The following THAP12 variants were observed in gnomAD, a reference collection of about 807,000 sequenced individuals.
THAP12 encodes the protein THAP domain containing 12.
A neutral mutation model predicts 63.0 loss-of-function variants in THAP12; 20 were observed. The ratio of observed to expected loss-of-function variants is 0.32; its 90% CI spans 0.22 to 0.46. The LOEUF is 0.46. Among genes scored for constraint, THAP12 ranks in the 20% least tolerant of loss-of-function variants. The pLI is 1.00. For synonymous variants in THAP12, 264 were observed against 328.4 expected (o/e 0.80, Z 2.12); for missense variants, 568 against 908.2 (o/e 0.63, Z 4.81).
At chr11:76,362,278 A>C (rs1336999457) in intron 2 of THAP12, among the ~76,000 whole-genome samples, 2 of 152,252 alleles carry the variant, frequency 1.3e-5, no homozygotes, top group Non-Finnish European at 2.9e-5. Flanking sequence ...AAAATATCTA[A>C]GCATGCTCAA....
chr11:76,380,812 T>TG lies in THAP12; in HGVS notation c.24dup (p.Asn9GlnfsTer31). 6.9e-7 allele frequency: 1 copy of TG among 1,442,598 alleles called. No individual in the cohort carries two copies. Among genetic ancestry groups the TG allele is most frequent in the Non-Finnish European group, 9.2e-7 (1 of 1,089,014 alleles). The allele number at this position is 1,442,598 out of a possible 1,614,324, so 89.4% of individuals were successfully genotyped here. On this transcript the variant is annotated frameshift_variant, in exon 1 of 5. Transcript: ENST00000260045. LOFTEE classifies it high-confidence loss of function. ...GACTGCGTGCTCTTCCGCGTGCAGTTGGGGGCAGCGCAGAAGTTCGGCATC... is the reference window on the plus strand; with the variant it reads ...GACTGCGTGCTCTTCCGCGTGCAGTTGGGGGGCAGCGCAGAAGTTCGGCATC...
intron 1 of THAP12, among the ~76,000 whole-genome samples, chr11:76,380,445 T>TCACACAGCATCTC (rs1946746362): frequency 6.6e-6 from 1 of 152,168 alleles, no homozygotes; most frequent in Non-Finnish European, 1.5e-5. Context: ...ACACAGCAAG[T>TCACACAGCATCTC]GAGCCACGGC....
At chr11:76,356,081 T>C (rs769898895) in intron 3 of THAP12, 11 of 155,942 alleles carry the variant, frequency 7.1e-5, no homozygotes, top group Non-Finnish European at 9.9e-5. Flanking sequence ...AACACAAAAG[T>C]GATGAGAAAT....
rs142544216 is a variant in THAP12 at position 76,351,115 on chromosome 11, C to A, written c.2035G>T (p.Ala679Ser). Residue 679 changes from alanine (A) to serine (S), a missense_variant, in exon 5 of 5, where the codon GCA becomes TCA. Physicochemically the swap from Ala to Ser is moderately conservative, Grantham distance 99. Coordinates refer to ENST00000260045, the MANE Select transcript of THAP12 (RefSeq NM_004705.4). ...AGAATACACAGGACCTTCAGCAATG[C>A]ATACACATTAGGAAAAAACTTGATG... ...PDIKFFPNVY[A>S]LLKVLCILPV... 4.1e-3 allele frequency: 6,546 copies of A among 1,610,870 alleles called. 21 individuals carry two copies. The highest frequency in any genetic ancestry group is 4.8e-3 in the Non-Finnish European group (5,694 of 1,179,502).
intron 1 of THAP12, among the ~76,000 whole-genome samples, chr11:76,370,565 T>C (rs577331239): frequency 3.9e-5 from 6 of 152,134 alleles, no homozygotes; most frequent in Non-Finnish European, 8.8e-5. Flanking sequence ...GGTTTCACCA[T>C]GTTCCCCAGG....
rs1174771297 is a variant in THAP12, at chr11:76,380,765, G to A, written c.72C>T (p.Phe24=). 15 of 1,460,838 alleles carry A rather than the reference G, an allele frequency of 1.0e-5. No homozygotes were observed. The Admixed American group carries it at 1.4e-4, about 14-fold the overall frequency. The allele number at this position is 1,460,838 out of a possible 1,614,324, so 90.5% of individuals were successfully genotyped here. ...STQSDLAFFR[F]PRDPARCQKW... is the part of the protein sequence containing the mutation. Reference sequence around the variant, plus strand: ...CCGCTTACCTGGCAGGGTCCCGCGGGAACCTGAAGAAGGCCAAGTCGGACT... The same window carrying A: ...CCGCTTACCTGGCAGGGTCCCGCGGAAACCTGAAGAAGGCCAAGTCGGACT... The change falls in exon 1 of 5, where the codon TTC becomes TTT. Residue 24 remains phenylalanine, a synonymous_variant. Transcript: ENST00000260045.
At chr11:76,376,587 T>G (rs1946711700) in intron 1 of THAP12, among the ~76,000 whole-genome samples, 1 of 151,928 alleles carries the variant, frequency 6.6e-6, no homozygotes, top group African/African-American at 2.4e-5. Flanking sequence ...ATAAACATCT[T>G]TGTCTTCGAA....
intron 3 of THAP12, chr11:76,359,440 A>C (rs922436211): frequency 6.6e-6 from 1 of 152,196 alleles, no homozygotes; most frequent in Non-Finnish European, 1.5e-5. Context: ...ACTAGTAATA[A>C]ATTTACAATA....
intron 3 of THAP12, chr11:76,358,514 CAG>C (rs1565232222): frequency 6.6e-6 from 1 of 152,014 alleles, no homozygotes; most frequent in African/African-American, 2.4e-5. Context: ...AATATAAAAA[CAG>C]AATATAGGTC....
chr11:76,354,706 G>A (rs1172127199), intron 4 of THAP12, among the ~76,000 whole-genome samples: 1 of 152,122 alleles, frequency 6.6e-6, no homozygotes, highest in Non-Finnish European at 1.5e-5. Flanking sequence ...ATGTACCATG[G>A]AAATCAGGTC....
At chr11:76,373,970 G>T (rs1189905164) in intron 1 of THAP12, among the ~76,000 whole-genome samples, 4 of 152,212 alleles carry the variant, frequency 2.6e-5, no homozygotes, top group African/African-American at 9.6e-5. Flanking sequence ...TATTTAGTGA[G>T]AAAAATGACA....
chr11:76,370,978 C>G (rs1946670509), intron 1 of THAP12, among the ~76,000 whole-genome samples: 1 of 152,062 alleles, frequency 6.6e-6, no homozygotes, highest in Admixed American at 6.5e-5. Flanking sequence ...CCTCCCCTTT[C>G]CCAGCTCTCC....
chr11:76,352,007 T>C lies in THAP12; in HGVS notation c.1143A>G (p.Leu381=). 1 of 1,609,674 alleles carries C rather than the reference T, an allele frequency of 6.2e-7. No individual in the cohort carries two copies. The highest frequency in any genetic ancestry group is 8.5e-7 in the Non-Finnish European group (1 of 1,178,840). ...SVPVMGVSVA[L]GTIEEVCSFF... is the part of the protein sequence containing the mutation. ...AAGAACAAACTTCCTCAATTGTTCC[T>C]AATGCAACAGATACTCCCATAACAG... Residue 381 remains leucine, a synonymous_variant, in exon 5 of 5, where the codon TTA becomes TTG. Transcript: ENST00000260045.
At chr11:76,377,754 C>T (rs1260944756) in intron 1 of THAP12, among the ~76,000 whole-genome samples, 1 of 152,168 alleles carries the variant, frequency 6.6e-6, no homozygotes, top group African/African-American at 2.4e-5. Context: ...TGGATATACG[C>T]CTAGGAATGG....
At chr11:76,374,386 C>CA (rs34052754) in intron 1 of THAP12, among the ~76,000 whole-genome samples, 2,374 of 138,692 alleles carry the variant, frequency 0.017, 59 homozygotes, top group African/African-American at 0.051. Context: ...ATTCATTATA[C>CA]AAAAAAAAAA....
chr11:76,380,101 T>C (rs961876040), intron 1 of THAP12, among the ~76,000 whole-genome samples: 2 of 152,182 alleles, frequency 1.3e-5, no homozygotes, highest in East Asian at 1.9e-4. Flanking sequence ...TCCCTAAATA[T>C]GTCAGTGTGT....
chr11:76,370,503 C>T (rs1946665825), intron 1 of THAP12, among the ~76,000 whole-genome samples: 1 of 151,790 alleles, frequency 6.6e-6, no homozygotes, highest in Admixed American at 6.6e-5. Context: ...GCTGGGACTA[C>T]AGGCACACGC....
In THAP12 at chr11:76,350,675, G is replaced by C. The variant is rs1946519551; in HGVS notation, c.*189C>G. 5.9e-6 allele frequency: 3 copies of C among 511,350 alleles called. No individual in the cohort carries two copies. Among genetic ancestry groups the C allele is most frequent in the Non-Finnish European group, 3.1e-6 (1 of 320,724 alleles). The allele number at this position is 511,350 out of a possible 1,614,324, so 31.7% of individuals were successfully genotyped here. A position where few individuals can be genotyped will look rare whatever the true frequency, so the allele number is the denominator to read the frequency against. ...CATGGCACTTTCAACGTTCTCTTCT[G>C]GAAGAACAGGTAGGTCTTCAAAGCT... On this transcript the variant is annotated 3_prime_UTR_variant, in exon 5 of 5. Coordinates refer to ENST00000260045, the MANE Select transcript of THAP12 (RefSeq NM_004705.4).
At position 76,375,933 on chromosome 11, in the gene THAP12, T is replaced by C. The variant is rs145324436; in HGVS notation, c.89+4815A>G. Reference sequence around the variant, plus strand: ...TTTGGATAAAAAGACCTTGAACATATTAAGTTAAACAAGCCAGACATAAAA... The same window carrying C: ...TTTGGATAAAAAGACCTTGAACATACTAAGTTAAACAAGCCAGACATAAAA... On this transcript the variant is annotated intron_variant, in intron 1 of 4. Coordinates refer to ENST00000260045, the MANE Select transcript of THAP12 (RefSeq NM_004705.4). 1.3e-3 allele frequency among the ~76,000 whole-genome samples: 203 copies of C among 152,254 alleles called. 2 individuals are homozygous for C. The highest frequency in any genetic ancestry group is 4.6e-3 in the African/African-American group (192 of 41,530).
Sources: allele counts gnomAD v4.1 joint callset (sites outside exome capture counted in the v4.1 genomes callset), GRCh38; gene constraint gnomAD v4.1.1; transcripts MANE v1.5; gene names NCBI Gene and HGNC (gene_info 2026-07-23, HGNC 2026-07-21).